Variants in CEP70 observed in about 807,000 individuals in gnomAD.
CEP70 encodes centrosomal protein 70.
CEP70 carries 70 observed loss-of-function variants against 90.9 expected under a neutral mutation model. The ratio of observed to expected loss-of-function variants is 0.77; its 90% confidence interval spans 0.64 to 0.94. The LOEUF (loss-of-function observed/expected upper bound fraction) is 0.94. Among genes scored for constraint, CEP70 ranks in the 40% least tolerant of loss-of-function variants. The pLI, the probability that CEP70 is intolerant of heterozygous loss-of-function variation, is 0.00. For missense variants in CEP70, 648 were observed against 669.0 expected, an observed-to-expected ratio of 0.97 and a Z score of 0.35; for synonymous variants, 220 against 228.3, an observed-to-expected ratio of 0.96 and a Z score of 0.33.
chr3:138,524,171 T>C (rs1204367387), intron 11 of CEP70, among the ~76,000 whole-genome samples: 3 of 151,394 alleles, frequency 2.0e-5, no homozygotes, highest in Admixed American at 6.6e-5. Flanking sequence ...TGGCTAGCCA[T>C]ATGTAGAAAG....
At position 138,516,750 on chromosome 3, in the gene CEP70, G is replaced by T. The variant is rs148918987; in HGVS notation, c.945-8206C>A. Among the ~76,000 whole-genome samples, 722 of 152,280 alleles carry T rather than the reference G, an allele frequency of 4.7e-3. 4 individuals carry two copies. Among genetic ancestry groups the T allele is most frequent in the African/African-American group, 0.017 (695 of 41,552 alleles). On this transcript the variant is annotated intron_variant, in intron 11 of 17. Transcript: ENST00000264982. ...TGATACTTGCCTGTCACTGTGTTAT[G>T]TGTTGCCATAGGAAGGAGGAAACAG...
At chr3:138,510,310 G>A (rs1259249703) in intron 11 of CEP70, among the ~76,000 whole-genome samples, 1 of 151,870 alleles carries the variant, frequency 6.6e-6, no homozygotes, top group Non-Finnish European at 1.5e-5. Flanking sequence ...GCGCATGCCT[G>A]TAGTCCCAGC....
At chr3:138,544,509 GTGTA>G (rs34978232) in intron 6 of CEP70, among the ~76,000 whole-genome samples, 2,418 of 149,080 alleles carry the variant, frequency 0.016, 37 homozygotes, top group African/African-American at 0.042. Context: ...ACTACAGAGT[GTGTA>G]TGTATGTATG....
chr3:138,564,500 C>T (rs1378933356), intron 6 of CEP70, among the ~76,000 whole-genome samples: 1 of 152,116 alleles, frequency 6.6e-6, no homozygotes, highest in African/African-American at 2.4e-5. Flanking sequence ...GTATCCACCA[C>T]GATCAAGTTG....
At chr3:138,543,986 A>G (rs951543993) in intron 6 of CEP70, among the ~76,000 whole-genome samples, 7 of 152,116 alleles carry the variant, frequency 4.6e-5, no homozygotes, top group African/African-American at 1.4e-4. Flanking sequence ...TCAAGGCAAG[A>G]TATCTATTTA....
chr3:138,591,843 A>C lies in CEP70; in HGVS notation c.-6+11T>G, dbSNP rs970918564. On this transcript the variant is annotated intron_variant, in intron 2 of 17. Coordinates refer to ENST00000264982, the MANE Select transcript of CEP70 (RefSeq NM_024491.4). The stretch of plus-strand genomic sequence containing the variant: ...CCCAACATCTGGAGTCATCCGTTAC[A>C]TTAGACATACCTCAGTCATAGCATA... 1 of 1,532,574 alleles carries C rather than the reference A, an allele frequency of 6.5e-7. No homozygotes were observed. Among genetic ancestry groups the C allele is most frequent in the Non-Finnish European group, 8.7e-7 (1 of 1,144,858 alleles). 94.9% of individuals were successfully genotyped at this position (1,532,574 alleles called of 1,614,324 possible).
intron 6 of CEP70, among the ~76,000 whole-genome samples, chr3:138,564,663 ACT>A (rs1220726814): frequency 6.6e-6 from 1 of 152,040 alleles, no homozygotes; most frequent in East Asian, 1.9e-4. Flanking sequence ...CTTGCTAAAA[ACT>A]CTCAATAAAC....
chr3:138,582,367 G>A (rs948609556), intron 2 of CEP70, among the ~76,000 whole-genome samples: 1 of 152,206 alleles, frequency 6.6e-6, no homozygotes, highest in Non-Finnish European at 1.5e-5. Context: ...AGCTACTCGG[G>A]AGGCTGAGGC....
At chr3:138,556,972 C>A (rs575944781) in intron 6 of CEP70, among the ~76,000 whole-genome samples, 1 of 152,070 alleles carries the variant, frequency 6.6e-6, no homozygotes, top group Non-Finnish European at 1.5e-5. Flanking sequence ...ATTTATTTGG[C>A]GGGAATTTCC....
rs2033857580 is a variant in CEP70, at chr3:138,494,708, CTG to C, written c.*305_*306del. 2 of 194,900 alleles carry C rather than the reference CTG, an allele frequency of 1.0e-5. No individual in the cohort carries two copies. Among genetic ancestry groups the C allele is most frequent in the Non-Finnish European group, 1.0e-5 (1 of 96,856 alleles). The allele number at this position is 194,900 out of a possible 1,614,324, so 12.1% of individuals were successfully genotyped here. On this transcript the variant is annotated 3_prime_UTR_variant, in exon 18 of 18. Transcript: ENST00000264982. ...AAGATTGCAACCTACTACTTGCAAT[CTG>C]TCTCCCTGGGCTCCTCTTTTACTCA...
At chr3:138,501,081 A>G (rs7634745) in intron 13 of CEP70, among the ~76,000 whole-genome samples, 200 bp from the exon 14 acceptor site, 51,416 of 151,664 alleles carry the variant, frequency 0.34, 10,064 homozygotes, top group Non-Finnish European at 0.45. Flanking sequence ...ATTTAGAACA[A>G]GTCAGTTAAA....
intron 6 of CEP70, among the ~76,000 whole-genome samples, chr3:138,542,061 C>T (rs1183011940): frequency 6.6e-6 from 1 of 152,210 alleles, no homozygotes; most frequent in Non-Finnish European, 1.5e-5. Flanking sequence ...CTGCACTCAG[C>T]TTGTGCTACC....
At chr3:138,570,571 G>T in intron 5 of CEP70, 73 bp from the exon 6 acceptor site, 1 of 1,149,906 alleles carries the variant, frequency 8.7e-7, no homozygotes. Context: ...ATCCATATAA[G>T]AATGTATTGC....
chr3:138,525,822 TACAGACAAAA>T (rs1380963644), intron 10 of CEP70, among the ~76,000 whole-genome samples: 1 of 152,202 alleles, frequency 6.6e-6, no homozygotes, highest in African/African-American at 2.4e-5. Context: ...ATTTCAAGTA[TACAGACAAAA>T]ACAGAGAACA....
At chr3:138,507,856 AT>A (rs1258865349) in intron 12 of CEP70, among the ~76,000 whole-genome samples, 6 of 152,224 alleles carry the variant, frequency 3.9e-5, no homozygotes, top group Non-Finnish European at 8.8e-5. Flanking sequence ...CCTAGAAAAA[AT>A]AAAATATCTT....
At chr3:138,497,379 T>C (rs1421368413) in intron 17 of CEP70, 3 of 1,212,714 alleles carry the variant, frequency 2.5e-6, no homozygotes, top group African/African-American at 3.2e-5. Context: ...AAAAATTCAC[T>C]GGTGAATACA....
At chr3:138,572,834 G>C (rs2108166844) in intron 3 of CEP70, 25 bp downstream of exon 3, 1 of 1,392,918 alleles carries the variant, frequency 7.2e-7, no homozygotes. Flanking sequence ...TTGAGAAGCA[G>C]TGTCTTAAAA....
intron 6 of CEP70, among the ~76,000 whole-genome samples, chr3:138,552,182 C>T (rs2039668093): frequency 6.6e-6 from 1 of 152,124 alleles, no homozygotes; most frequent in Non-Finnish European, 1.5e-5. Context: ...GAAACAACTA[C>T]TACTAGACCT....
rs79047214 is a variant in CEP70, at chr3:138,551,180, A to T, written c.466-13833T>A. On this transcript the variant is annotated intron_variant, in intron 6 of 17. Transcript: ENST00000264982. ...ATTAACAGCAGATTTCTCAGCAGAA[A>T]ACTATAAGCTAGAAGGGATTGGAGC... Among the ~76,000 whole-genome samples, 679 of 152,352 alleles carry T rather than the reference A, an allele frequency of 4.5e-3. 2 individuals are homozygous for T. The highest frequency in any genetic ancestry group is 0.016 in the African/African-American group (656 of 41,594).
Sources: gnomAD v4.1 joint callset for allele counts (sites outside exome capture counted in the v4.1 genomes callset) on GRCh38, gnomAD v4.1.1 for gene constraint, MANE v1.5 for transcripts, NCBI Gene and HGNC (gene_info 2026-07-23, HGNC 2026-07-21) for gene names.